MAP7: variants seen among roughly 807,000 people sequenced by gnomAD.
MAP7 encodes the protein ensconsin.
Under a neutral mutation model 94.8 loss-of-function variants are expected in MAP7, and 52 were observed. The observed-to-expected ratio is 0.55, with a 90% CI of 0.44 to 0.69. The LOEUF is 0.69. Among genes scored for constraint, MAP7 ranks in the 30% least tolerant of loss-of-function variants. MAP7 has a pLI of 0.00. For synonymous variants in MAP7, 350 were observed against 357.0 expected, an observed-to-expected ratio of 0.98 and a Z score of 0.22; for missense variants, 940 against 964.6, an observed-to-expected ratio of 0.97 and a Z score of 0.34.
intron 1 of MAP7, among the ~76,000 whole-genome samples, chr6:136,468,169 G>C (rs1807744478): frequency 6.6e-6 from 1 of 152,038 alleles, no homozygotes; most frequent in Admixed American, 6.6e-5. Flanking sequence ...TGCGTGCATG[G>C]CTCCTTACCT....
chr6:136,451,271 T>C (rs1801033312), intron 1 of MAP7, among the ~76,000 whole-genome samples: 1 of 152,254 alleles, frequency 6.6e-6, no homozygotes, highest in Non-Finnish European at 1.5e-5. Flanking sequence ...TAGACATTTA[T>C]AGGCATCTCT....
chr6:136,369,253 C>A (rs185095944), intron 8 of MAP7, among the ~76,000 whole-genome samples: 5 of 152,230 alleles, frequency 3.3e-5, no homozygotes, highest in Non-Finnish European at 7.4e-5. Context: ...GTGATCAGTA[C>A]TGTGTGGTAA....
chr6:136,410,766 T>C (rs1020426935), intron 3 of MAP7, among the ~76,000 whole-genome samples: 10 of 152,180 alleles, frequency 6.6e-5, no homozygotes, highest in African/African-American at 2.4e-4. Context: ...GGATGAGATA[T>C]AGGGGCAGAG....
rs529451102 is a variant in MAP7 at position 136,422,450 on chromosome 6, T to C, written c.68-651A>G. Among the ~76,000 whole-genome samples, 11 of 152,320 alleles carry C rather than the reference T, an allele frequency of 7.2e-5. No homozygotes were observed. The South Asian group carries it at 2.3e-3, about 32-fold the overall frequency. On this transcript the variant is annotated intron_variant, in intron 1 of 17. Coordinates refer to ENST00000354570, the MANE Select transcript of MAP7 (RefSeq NM_003980.6). Reference sequence around the variant, plus strand: ...AAAAAAATCAATTAAACAGGAGTTCTGGTTACTTTAACTCTAATTTATCTA... The same window carrying C: ...AAAAAAATCAATTAAACAGGAGTTCCGGTTACTTTAACTCTAATTTATCTA...
chr6:136,472,828 C>T (rs1311452965), intron 1 of MAP7, among the ~76,000 whole-genome samples: 16 of 150,220 alleles, frequency 1.1e-4, no homozygotes, highest in Admixed American at 1.1e-3. Flanking sequence ...TCAGATTAGT[C>T]TCCCTAAAAA....
chr6:136,512,584 T>C (rs1823592473), intron 1 of MAP7, among the ~76,000 whole-genome samples: 1 of 152,210 alleles, frequency 6.6e-6, no homozygotes, highest in Non-Finnish European at 1.5e-5. Flanking sequence ...CACACATTTT[T>C]TGGTTTCACA....
At chr6:136,375,623 A>G (rs1352556910) in intron 7 of MAP7, among the ~76,000 whole-genome samples, 1 of 152,212 alleles carries the variant, frequency 6.6e-6, no homozygotes, top group Non-Finnish European at 1.5e-5. Context: ...ATGTTTGCAT[A>G]TATACTTCTA....
rs113387287 is a variant in MAP7 at position 136,521,181 on chromosome 6, G to GA, written c.67+29160dup. Among the ~76,000 whole-genome samples the GA allele has an allele frequency of 3.6e-4, 55 of 152,246 alleles. 1 individual carries two copies. The highest frequency in any genetic ancestry group is 1.3e-3 in the African/African-American group (52 of 41,534). On this transcript the variant is annotated intron_variant, in intron 1 of 17. Transcript: ENST00000354570. The stretch of plus-strand genomic sequence containing the variant: ...CAAGGGAAGCTGAAATCTAGATTAT[G>GA]AAAAAATCAGTTCCTAAATGTTGAC...
chr6:136,437,574 A>C (rs879277478), intron 1 of MAP7, among the ~76,000 whole-genome samples: 4 of 152,182 alleles, frequency 2.6e-5, no homozygotes, highest in Non-Finnish European at 5.9e-5. Context: ...ATCTGAGGTC[A>C]CTTAGCTAAG....
At chr6:136,529,197 C>T (rs1172018374) in intron 1 of MAP7, among the ~76,000 whole-genome samples, 1 of 152,216 alleles carries the variant, frequency 6.6e-6, no homozygotes, top group Non-Finnish European at 1.5e-5. Context: ...TCACTGCAAC[C>T]TCCACCTCGC....
chr6:136,382,720 T>G (rs1778133773), intron 6 of MAP7, among the ~76,000 whole-genome samples: 1 of 152,180 alleles, frequency 6.6e-6, no homozygotes, highest in Admixed American at 6.5e-5. Flanking sequence ...ATAACTTTTA[T>G]ACAATACAAA....
At chr6:136,396,475 T>C (rs1421252131) in intron 3 of MAP7, among the ~76,000 whole-genome samples, 2 of 152,146 alleles carry the variant, frequency 1.3e-5, no homozygotes, top group Admixed American at 6.6e-5. Context: ...GGGGTTTTTA[T>C]ATATAAGACC....
chr6:136,397,878 G>T (rs950518325), intron 3 of MAP7, among the ~76,000 whole-genome samples: 3 of 152,152 alleles, frequency 2.0e-5, no homozygotes, highest in Non-Finnish European at 4.4e-5. Context: ...TAAAAGAACA[G>T]TATGTCCAAA....
At chr6:136,518,470 C>T (rs2129043668) in intron 1 of MAP7, among the ~76,000 whole-genome samples, 1 of 152,292 alleles carries the variant, frequency 6.6e-6, no homozygotes, top group East Asian at 1.9e-4. Flanking sequence ...CCATCTGTGA[C>T]ACACTTTGGG....
At chr6:136,426,201 T>C (rs1488916548) in intron 1 of MAP7, among the ~76,000 whole-genome samples, 1 of 152,196 alleles carries the variant, frequency 6.6e-6, no homozygotes, top group Admixed American at 6.6e-5. Context: ...CTGCTATCAT[T>C]TGAATGTCCT....
chr6:136,362,480 C>T lies in MAP7; in HGVS notation c.1496G>A (p.Arg499Lys), dbSNP rs1312014449. ...AAGCTCTTCCTGCTCCCTCCTCTCC[C>T]TTTCTTCCTTTTCTCTCTGCTCTCG... ...LAREQREKEE[R>K]ERREQEELER... Residue 499 changes from arginine to lysine, a missense_variant, in exon 11 of 18, where the codon AGG (arginine) becomes AAG (lysine). Physicochemically the swap from Arg to Lys is conservative, Grantham distance 26. Transcript: ENST00000354570. 1 of 1,614,174 alleles carries T rather than the reference C, an allele frequency of 6.2e-7. No homozygotes were observed. The highest frequency in any genetic ancestry group is 1.1e-5 in the South Asian group (1 of 91,068).
At position 136,421,814 on chromosome 6, in the gene MAP7, CAA is replaced by C. The variant is rs763951857; in HGVS notation, c.68-17_68-16del. The C allele has an allele frequency of 1.3e-6, 2 of 1,579,460 alleles. No individual in the cohort carries two copies. The highest frequency in any genetic ancestry group is 1.7e-6 in the Non-Finnish European group (2 of 1,164,734). ...GCTGTCGGGTGCTACAGAAATGAGA[CAA>C]AAGAGAAAAGACACATTTAGTTTCT... On this transcript the variant is annotated splice_polypyrimidine_tract_variant and intron_variant, in intron 1 of 17. Coordinates refer to ENST00000354570, the MANE Select transcript of MAP7 (RefSeq NM_003980.6).
intron 1 of MAP7, among the ~76,000 whole-genome samples, chr6:136,525,292 C>T (rs978584376): frequency 5.9e-5 from 9 of 152,238 alleles, no homozygotes; most frequent in African/African-American, 2.2e-4. Flanking sequence ...CTTCACCCTC[C>T]ACATTCGCCC....
chr6:136,386,000 ACCTCAGGTAATCCACCCG>A (rs746691139), intron 5 of MAP7, among the ~76,000 whole-genome samples: 1 of 151,984 alleles, frequency 6.6e-6, no homozygotes, highest in Non-Finnish European at 1.5e-5. Flanking sequence ...CGAACTCCTG[ACCTCAGGTAATCCACCCG>A]CCTCAGCCTC....
Sources: allele counts gnomAD v4.1 joint callset (sites outside exome capture counted in the v4.1 genomes callset), GRCh38; gene constraint gnomAD v4.1.1; transcripts MANE v1.5; gene names NCBI Gene and HGNC (gene_info 2026-07-23, HGNC 2026-07-21).